HIRA: variants seen among roughly 807,000 people sequenced by gnomAD.
HIRA encodes the protein histone cell cycle regulator, also known as protein HIRA.
A neutral mutation model predicts 126.6 loss-of-function variants in HIRA; 13 were observed. The ratio of observed to expected loss-of-function variants is 0.10; its 90% CI spans 0.07 to 0.16. The LOEUF is 0.16. Ranked by LOEUF, HIRA falls within the 10% of genes least tolerant of loss-of-function variation. The pLI is 1.00. For synonymous variants in HIRA, 511 were observed against 520.0 expected (o/e 0.98, Z 0.24); for missense variants, 834 against 1,314.4 (o/e 0.63, Z 5.65).
At chr22:19,355,901 C>T (rs1360707098) in intron 20 of HIRA, 36 bp from the exon 21 acceptor site, 2 of 1,422,198 alleles carry the variant, frequency 1.4e-6, no homozygotes, top group Non-Finnish European at 2.0e-6. Flanking sequence ...TGGGTGTGCT[C>T]TGATCAGCAA....
At chr22:19,353,226 G>A in intron 23 of HIRA, 130 bp downstream of exon 23, 1 of 1,121,248 alleles carries the variant, frequency 8.9e-7, no homozygotes, top group Non-Finnish European at 1.3e-6. Context: ...TGCCTTGACT[G>A]CAGCTCAGGC....
chr22:19,348,363 T>C (rs747033666), intron 24 of HIRA, among the ~76,000 whole-genome samples: 1 of 152,130 alleles, frequency 6.6e-6, no homozygotes, highest in South Asian at 2.1e-4. Flanking sequence ...GCAACGGAAA[T>C]AGATCTGCAA....
At chr22:19,413,363 T>C (rs972748111) in intron 1 of HIRA, among the ~76,000 whole-genome samples, 7 of 152,260 alleles carry the variant, frequency 4.6e-5, no homozygotes, top group African/African-American at 9.6e-5. Flanking sequence ...CCCTGCCACT[T>C]ACCCAGCTAC....
intron 1 of HIRA, among the ~76,000 whole-genome samples, chr22:19,414,440 C>A (rs1235369555): frequency 6.6e-6 from 1 of 152,146 alleles, no homozygotes; most frequent in East Asian, 1.9e-4. Flanking sequence ...AGCTGCTGGC[C>A]CTTCCCTCTC....
At chr22:19,357,493 C>A (rs1247803195) in intron 18 of HIRA, among the ~76,000 whole-genome samples, 1 of 152,242 alleles carries the variant, frequency 6.6e-6, no homozygotes, top group Non-Finnish European at 1.5e-5. Context: ...CAGCATGCAC[C>A]TCTGTGTCCA....
intron 1 of HIRA, among the ~76,000 whole-genome samples, chr22:19,423,658 G>C (rs1489044922): frequency 6.6e-6 from 1 of 152,190 alleles, no homozygotes; most frequent in Non-Finnish European, 1.5e-5. Flanking sequence ...AAGGCCTGCT[G>C]TCCCTTCTGT....
chr22:19,417,164 C>T (rs1434358242), intron 1 of HIRA, among the ~76,000 whole-genome samples: 1 of 152,090 alleles, frequency 6.6e-6, no homozygotes, highest in African/African-American at 2.4e-5. Context: ...CGTGCCATTG[C>T]ACTCCAGCCT....
At chr22:19,345,070 A>G (rs573961584) in intron 24 of HIRA, among the ~76,000 whole-genome samples, 1 of 152,362 alleles carries the variant, frequency 6.6e-6, no homozygotes, top group South Asian at 2.1e-4. Flanking sequence ...TAATATCAGG[A>G]ACAAGAGAAG....
intron 9 of HIRA, among the ~76,000 whole-genome samples, chr22:19,389,697 C>T (rs1490120169): frequency 6.6e-6 from 1 of 152,076 alleles, no homozygotes; most frequent in Non-Finnish European, 1.5e-5. Flanking sequence ...GACTGCCTAA[C>T]CTGAGCATTC....
chr22:19,392,599 C>A (rs747969781), intron 8 of HIRA, among the ~76,000 whole-genome samples: 7 of 152,206 alleles, frequency 4.6e-5, no homozygotes, highest in Non-Finnish European at 8.8e-5. Flanking sequence ...AAGGGGGCTT[C>A]AGAAACAAAG....
chr22:19,355,409 T>G (rs782341533), intron 21 of HIRA, among the ~76,000 whole-genome samples: 6 of 152,166 alleles, frequency 3.9e-5, no homozygotes, highest in Non-Finnish European at 7.4e-5. Flanking sequence ...CTCACAGAAA[T>G]TGACTAGTCC....
Position 19,398,074 on chromosome 22 carries a change from T to C in HIRA, c.411A>G (p.Val137=). 1.2e-6 allele frequency: 2 copies of C among 1,613,638 alleles called. No homozygotes were observed. Among genetic ancestry groups the C allele is most frequent in the Non-Finnish European group, 1.7e-6 (2 of 1,179,574 alleles). The change falls in exon 6 of 25, where the codon GTA becomes GTG. Residue 137 remains valine, a synonymous_variant. Transcript: ENST00000263208. The part of the protein sequence containing the change: ...LRNHSGDVMD[V]AWSPHDAWLA... The stretch of plus-strand genomic sequence containing the variant: ...GCCAGGCATCGTGGGGAGACCATGC[T>C]ACATCCATCACATCTGAAAGAAGAC...
rs1040730179 is a variant in HIRA, at chr22:19,396,128, C to T, written c.654+659G>A. ...TCTGCGGGAGGCTCAGAGTAAACTCCGCACTATAAGAAGCAGTTTTATCCA... is the reference window on the plus strand; with the variant it reads ...TCTGCGGGAGGCTCAGAGTAAACTCTGCACTATAAGAAGCAGTTTTATCCA... On this transcript the variant is annotated intron_variant, in intron 7 of 24. Transcript: ENST00000263208. 3.3e-5 allele frequency among the ~76,000 whole-genome samples: 5 copies of T among 152,130 alleles called. No individual in the cohort carries two copies. The East Asian group carries it at 5.8e-4, about 18-fold the overall frequency.
chr22:19,373,408 G>A (rs2146207885), intron 15 of HIRA, among the ~76,000 whole-genome samples: 1 of 152,282 alleles, frequency 6.6e-6, no homozygotes, highest in Non-Finnish European at 1.5e-5. Flanking sequence ...CCTGACATTT[G>A]TGCATGACAG....
At chr22:19,431,085 G>C (rs1398906471) in intron 1 of HIRA, among the ~76,000 whole-genome samples, 4 of 152,170 alleles carry the variant, frequency 2.6e-5, no homozygotes, top group Admixed American at 1.3e-4. Flanking sequence ...TCACCTTCAG[G>C]ACCGTCTGAG....
At chr22:19,356,185 A>C in intron 20 of HIRA, 45 bp downstream of exon 20, 1 of 1,564,842 alleles carries the variant, frequency 6.4e-7, no homozygotes, top group African/African-American at 1.3e-5. Context: ...TCAGACATGA[A>C]CTTGGGCCCC....
intron 24 of HIRA, among the ~76,000 whole-genome samples, chr22:19,349,203 C>G (rs1236341392): frequency 2.0e-5 from 3 of 152,004 alleles, no homozygotes; most frequent in African/African-American, 7.2e-5. Flanking sequence ...CCTCCCGGTT[C>G]AAGCGATTCT....
chr22:19,376,626 T>G (rs992634066), intron 14 of HIRA, among the ~76,000 whole-genome samples: 3 of 152,204 alleles, frequency 2.0e-5, no homozygotes, highest in Non-Finnish European at 4.4e-5. Flanking sequence ...CTGGCATGCT[T>G]TGCTTCCTCA....
chr22:19,386,542 T>C (rs535181287), intron 11 of HIRA, among the ~76,000 whole-genome samples: 1 of 152,372 alleles, frequency 6.6e-6, no homozygotes, highest in East Asian at 1.9e-4. Context: ...CCTTGGGACC[T>C]GCTCCTGCAG....
Sources: allele counts gnomAD v4.1 joint callset (sites outside exome capture counted in the v4.1 genomes callset), GRCh38; gene constraint gnomAD v4.1.1; transcripts MANE v1.5; gene names NCBI Gene and HGNC (gene_info 2026-07-23, HGNC 2026-07-21).